TSPAN18: variants seen among roughly 807,000 people sequenced by gnomAD.
The protein encoded by TSPAN18 is tetraspanin 18.
TSPAN18 carries 14 observed loss-of-function variants against 27.3 expected under a neutral mutation model. The observed-to-expected ratio is 0.51, with a 90% CI of 0.34 to 0.80. TSPAN18 has a LOEUF of 0.80. TSPAN18 is among the 30% of genes least tolerant of loss of function. TSPAN18 has a pLI of 0.01. For synonymous variants in TSPAN18, 143 were observed against 136.5 expected (o/e 1.05, Z -0.33); for missense variants, 268 against 323.9 (o/e 0.83, Z 1.32).
At chr11:44,781,789 G>A (rs1403894270) in intron 2 of TSPAN18, among the ~76,000 whole-genome samples, 1 of 152,040 alleles carries the variant, frequency 6.6e-6, no homozygotes, top group African/African-American at 2.4e-5. Context: ...GTCAGTCCCC[G>A]TAAGATAGAA....
At position 44,762,801 on chromosome 11, in the gene TSPAN18, A is replaced by G. The variant is rs369233398; in HGVS notation, c.-239-1625A>G. 6.6e-5 allele frequency among the ~76,000 whole-genome samples: 10 copies of G among 152,070 alleles called. No homozygotes were observed. In the South Asian group the frequency reaches 1.9e-3, roughly 28 times the overall value. On this transcript the variant is annotated intron_variant, in intron 1 of 9. Coordinates refer to ENST00000520358, the MANE Select transcript of TSPAN18 (RefSeq NM_130783.5). ...AGGTCCCATCCTCCAGCCAATCCCT[A>G]TTTTCCATCAGTTAATGGGAGTTCA...
chr11:44,726,954 G>A (rs1249506373), upstream of TSPAN18: 1 of 146,498 alleles, frequency 6.8e-6, no homozygotes, highest in African/African-American at 2.5e-5. Flanking sequence ...GCGGGCTGGC[G>A]GGCGTGCAGC....
At chr11:44,853,911 GAGGAAAGGA>G (rs1002953670) in intron 2 of TSPAN18, among the ~76,000 whole-genome samples, 10 of 152,174 alleles carry the variant, frequency 6.6e-5, no homozygotes, top group African/African-American at 2.4e-4. Context: ...GCAGGGGAGG[GAGGAAAGGA>G]AGGAAAGGAA....
At chr11:44,793,206 T>C (rs188050079) in intron 2 of TSPAN18, among the ~76,000 whole-genome samples, 1 of 152,262 alleles carries the variant, frequency 6.6e-6, no homozygotes, top group Admixed American at 6.5e-5. Context: ...GCCCACCTAT[T>C]TGTACCACAT....
chr11:44,849,135 G>A (rs1315887765), intron 2 of TSPAN18, among the ~76,000 whole-genome samples: 3 of 152,188 alleles, frequency 2.0e-5, no homozygotes, highest in Admixed American at 1.3e-4. Context: ...GCTACGGGTG[G>A]CAGCAGGGGG....
intron 1 of TSPAN18, among the ~76,000 whole-genome samples, chr11:44,751,492 C>T (rs559421900): frequency 6.6e-6 from 1 of 152,270 alleles, no homozygotes; most frequent in Admixed American, 6.5e-5. Context: ...CAATCCACAG[C>T]ATACATGCTT....
chr11:44,926,555 C>T (rs7103120), intron 8 of TSPAN18, 119 bp from the exon 9 acceptor site: 3 of 883,280 alleles, frequency 3.4e-6, no homozygotes, highest in African/African-American at 1.6e-5. Flanking sequence ...GTCTCAGCAG[C>T]CGTGTGATAG....
intron 2 of TSPAN18, among the ~76,000 whole-genome samples, chr11:44,812,547 A>T (rs1856740218): frequency 6.6e-6 from 1 of 152,130 alleles, no homozygotes; most frequent in Non-Finnish European, 1.5e-5. Flanking sequence ...GCTGGAACCC[A>T]GGGGAGGTGG....
intron 2 of TSPAN18, among the ~76,000 whole-genome samples, chr11:44,792,821 G>A (rs1196162613): frequency 2.0e-5 from 3 of 152,188 alleles, no homozygotes; most frequent in African/African-American, 7.2e-5. Context: ...GCCAAGAGGT[G>A]GGAGAGAGTG....
chr11:44,891,849 G>A (rs1303733020), intron 3 of TSPAN18, among the ~76,000 whole-genome samples: 1 of 152,202 alleles, frequency 6.6e-6, no homozygotes, highest in Non-Finnish European at 1.5e-5. Context: ...CTCCTGCAAA[G>A]GCCAAGGATG....
chr11:44,895,534 G>A (rs1476638766), intron 3 of TSPAN18, among the ~76,000 whole-genome samples: 2 of 152,174 alleles, frequency 1.3e-5, no homozygotes, highest in Non-Finnish European at 2.9e-5. Flanking sequence ...CAGGACAAAT[G>A]AGCCAGTCAA....
At chr11:44,848,661 T>G (rs543461505) in intron 2 of TSPAN18, among the ~76,000 whole-genome samples, 3 of 152,294 alleles carry the variant, frequency 2.0e-5, no homozygotes, top group Admixed American at 6.5e-5. Context: ...ACCAGACTCA[T>G]GATGTGGGAA....
intron 2 of TSPAN18, among the ~76,000 whole-genome samples, chr11:44,827,031 C>G (rs1857057629): frequency 6.6e-6 from 1 of 152,196 alleles, no homozygotes; most frequent in African/African-American, 2.4e-5. Flanking sequence ...AACCAAGAGC[C>G]TTTTAGCTCA....
At chr11:44,829,582 G>A (rs972429825) in intron 2 of TSPAN18, among the ~76,000 whole-genome samples, 21 of 152,166 alleles carry the variant, frequency 1.4e-4, no homozygotes, top group African/African-American at 4.8e-4. Flanking sequence ...CCATTTACCT[G>A]TTGAAGGACA....
At chr11:44,844,872 C>G (rs1857448509) in intron 2 of TSPAN18, among the ~76,000 whole-genome samples, 1 of 152,148 alleles carries the variant, frequency 6.6e-6, no homozygotes, top group African/African-American at 2.4e-5. Context: ...CAGGCCTGGT[C>G]CATCTACCTC....
intron 1 of TSPAN18, among the ~76,000 whole-genome samples, chr11:44,748,513 C>A (rs1855135040): frequency 6.6e-6 from 1 of 152,094 alleles, no homozygotes; most frequent in African/African-American, 2.4e-5. Context: ...TGGACTGGAT[C>A]TCATTAGGCA....
chr11:44,840,087 C>T lies in TSPAN18; in HGVS notation c.-152-20241C>T, dbSNP rs564194412. On this transcript the variant is annotated intron_variant, in intron 2 of 9. Transcript: ENST00000520358. ...TCTGCGCAAAACCAATGTGCTGCCT[C>T]GGCCAAGTCCTCCACAGAGAGAAAA... Among the ~76,000 whole-genome samples, 9 of 152,342 alleles carry T rather than the reference C, an allele frequency of 5.9e-5. No homozygotes were observed. The South Asian group carries it at 1.7e-3, about 28-fold the overall frequency.
chr11:44,777,615 A>AATATTTAC (rs1855842707), intron 2 of TSPAN18, among the ~76,000 whole-genome samples: 2 of 152,134 alleles, frequency 1.3e-5, no homozygotes, highest in Admixed American at 1.3e-4. Context: ...CTTTAATGGG[A>AATATTTAC]AGGCTGAGAG....
intron 1 of TSPAN18, among the ~76,000 whole-genome samples, chr11:44,739,286 A>G (rs1854872691): frequency 6.6e-6 from 1 of 152,112 alleles, no homozygotes; most frequent in South Asian, 2.1e-4. Flanking sequence ...CTCCCTCCGT[A>G]TCTTTTTTTT....
Sources: gnomAD v4.1 joint callset for allele counts (sites outside exome capture counted in the v4.1 genomes callset) on GRCh38, gnomAD v4.1.1 for gene constraint, MANE v1.5 for transcripts, NCBI Gene and HGNC (gene_info 2026-07-23, HGNC 2026-07-21) for gene names.